Variants in CDKL5 observed in about 807,000 individuals in gnomAD.
CDKL5 encodes cyclin dependent kinase like 5, also known as cyclin-dependent kinase-like 5.
CDKL5 carries 8 observed loss-of-function variants against 61.7 expected under a neutral mutation model. That is an observed-to-expected ratio of 0.13 (90% CI 0.08 to 0.23). CDKL5 has a LOEUF of 0.23. Among genes scored for constraint, CDKL5 ranks in the 10% least tolerant of loss-of-function variants. CDKL5 has a pLI of 1.00. For missense variants in CDKL5, 440 were observed against 734.5 expected (o/e 0.60, Z 4.63); for synonymous variants, 275 against 272.3 (o/e 1.01, Z -0.10).
chrX:18,499,575 G>T (rs923602219), intron 1 of CDKL5, among the ~76,000 whole-genome samples: 1 of 110,669 alleles, frequency 9.0e-6, no homozygotes, highest in South Asian at 3.9e-4. Context: ...ATGTTAACCA[G>T]GATGGTCTGG....
intron 5 of CDKL5, among the ~76,000 whole-genome samples, chrX:18,577,734 G>T (rs971282327): frequency 8.9e-6 from 1 of 112,014 alleles, no homozygotes; most frequent in African/African-American, 3.2e-5. Context: ...TTCCTGCGGA[G>T]TAAGGGAAGA....
At chrX:18,625,890 A>G (rs750094611) in intron 17 of CDKL5, among the ~76,000 whole-genome samples, 5 of 111,825 alleles carry the variant, frequency 4.5e-5, no homozygotes, top group Non-Finnish European at 9.4e-5. Context: ...TTTGTAATGT[A>G]TCTTTTCAGT....
rs1927263360 is a variant in CDKL5 at position 18,632,470 on chromosome X, G to A, written c.*3713G>A. The A allele has an allele frequency of 4.0e-6, 3 of 754,107 alleles. No individual in the cohort carries two copies. Among genetic ancestry groups the A allele is most frequent in the African/African-American group, 2.3e-5 (1 of 43,822 alleles). 62.1% of individuals were successfully genotyped at this position (754,107 alleles called of 1,213,427 possible). ...TCCGTGGCTTTCAGCTGTGTCTCCC[G>A]AAAGAAAATGTCTTTGTTTTTTATT... On this transcript the variant is annotated 3_prime_UTR_variant, in exon 18 of 18. Transcript: ENST00000623535.
chrX:18,481,503 C>T, intron 1 of CDKL5, among the ~76,000 whole-genome samples: 1 of 106,256 alleles, frequency 9.4e-6, no homozygotes, highest in Non-Finnish European at 1.9e-5. Context: ...CAGGTGCGGG[C>T]CACCACACCT....
At chrX:18,499,368 T>C (rs1275218404) in intron 1 of CDKL5, among the ~76,000 whole-genome samples, 1 of 105,128 alleles carries the variant, frequency 9.5e-6, no homozygotes, top group African/African-American at 3.5e-5. Flanking sequence ...TTTGTTTTTT[T>C]TTTTTTTTTT....
At chrX:18,651,561 C>G (rs922727921) in intron 21 of CDKL5, among the ~76,000 whole-genome samples, 3 of 111,025 alleles carry the variant, frequency 2.7e-5, no homozygotes, top group Non-Finnish European at 5.7e-5. Context: ...GTCCCTCGGA[C>G]TGAGTATGGC....
intron 20 of CDKL5, among the ~76,000 whole-genome samples, chrX:18,649,041 CAAAAA>C (rs746581850): frequency 2.0e-5 from 1 of 50,823 alleles, no homozygotes. Context: ...GACACTGTCT[CAAAAA>C]AAAAAAAAAA....
intron 1 of CDKL5, among the ~76,000 whole-genome samples, chrX:18,437,008 G>A (rs1368358152): frequency 1.8e-5 from 2 of 109,954 alleles, no homozygotes; most frequent in African/African-American, 6.6e-5. Context: ...TCTTGAAAAG[G>A]TTTAGTAGGC....
intron 3 of CDKL5, among the ~76,000 whole-genome samples, chrX:18,560,176 T>C (rs1924751383): frequency 9.0e-6 from 1 of 111,471 alleles, no homozygotes; most frequent in Admixed American, 9.5e-5. Context: ...TCAAATGGTA[T>C]TTCTAGTTCT....
chrX:18,604,802 T>A lies in CDKL5; in HGVS notation c.1878T>A (p.Asp626Glu). 1 of 1,211,534 alleles carries A rather than the reference T, an allele frequency of 8.3e-7. No homozygotes were observed. The highest frequency in any genetic ancestry group is 1.7e-5 in the African/African-American group (1 of 57,758). Residue 626 changes from aspartate (D) to glutamate (E), a missense_variant, in exon 12 of 18, where the codon GAT becomes GAA. By Grantham distance (45) the Asp-to-Glu change is conservative. This residue lies in a region of CDKL5 where 363 missense variants were observed against 516.3 expected (regional missense o/e 0.70). Transcript: ENST00000623535. Reference sequence around the variant, plus strand: ...ACAAAGTGAGAGCCAAGGGCTTGGATGGAAGCTTGAGCATAGGGCAAGGGA... The same window carrying A: ...ACAAAGTGAGAGCCAAGGGCTTGGAAGGAAGCTTGAGCATAGGGCAAGGGA... Reference protein sequence around the residue: ...TRDKVRAKGLDGSLSIGQGMA... With the variant: ...TRDKVRAKGLEGSLSIGQGMA...
At chrX:18,543,993 C>G (rs1924109511) in intron 3 of CDKL5, among the ~76,000 whole-genome samples, 1 of 111,900 alleles carries the variant, frequency 8.9e-6, no homozygotes, top group Non-Finnish European at 1.9e-5. Context: ...CAATTAAACC[C>G]TTTGCCAGGA....
chrX:18,435,670 G>A (rs1328731230), intron 1 of CDKL5, among the ~76,000 whole-genome samples: 1 of 111,562 alleles, frequency 9.0e-6, no homozygotes, highest in African/African-American at 3.3e-5. Flanking sequence ...GGGTTCAAGC[G>A]ATTTTTGTGC....
intron 9 of CDKL5, among the ~76,000 whole-genome samples, chrX:18,592,773 T>A (rs1715755834): frequency 8.9e-6 from 1 of 112,492 alleles, no homozygotes; most frequent in Non-Finnish European, 1.9e-5. Context: ...ATGGGACATG[T>A]AAACTGCATC....
intron 1 of CDKL5, among the ~76,000 whole-genome samples, chrX:18,468,526 CG>C (rs950304323): frequency 8.9e-6 from 1 of 111,904 alleles, no homozygotes; most frequent in African/African-American, 3.2e-5. Flanking sequence ...CTTTAGTAAG[CG>C]TAAGCACTGG....
rs780757420 is a variant in CDKL5 at position 18,647,364 on chromosome X, A to G, written c.2797+1274A>G. 5 of 1,196,666 alleles carry G rather than the reference A, an allele frequency of 4.2e-6. No individual in the cohort carries two copies. In the South Asian group the frequency reaches 5.3e-5, roughly 13 times the overall value. ...AAGGAAAAAGAATTCACATTCACAC[A>G]TATCTCAATACTCAACAAGCACCAG... On this transcript the variant is annotated intron_variant, in intron 20 of 21. Coordinates refer to the CDKL5 transcript ENST00000379989.
rs1932215733 is a variant in CDKL5 at position 18,459,105 on chromosome X, C to G, written c.-163+33410C>G. The stretch of plus-strand genomic sequence containing the variant: ...ATAGTTTAGATAAAAAGGGGAAAGG[C>G]TATACATGTGCATAACAGGAAATAG... On this transcript the variant is annotated intron_variant, in intron 1 of 17. Coordinates refer to ENST00000623535, the MANE Select transcript of CDKL5 (RefSeq NM_001323289.2). 3.6e-5 allele frequency among the ~76,000 whole-genome samples: 4 copies of G among 112,564 alleles called. No homozygotes were observed. The Admixed American group carries it at 3.8e-4, about 11-fold the overall frequency.
At position 18,650,592 on chromosome X, in the gene CDKL5, G is replaced by T. The variant is rs866859766; in HGVS notation, c.2980G>T (p.Gly994Trp). ...TTTCAGCTGCCCAACCCAGCAATCC[G>T]GTAAGCAGAGACTCTAGACCGGTGG... Residue 994 changes from glycine to tryptophan, a missense_variant and splice_region_variant, in exon 21 of 22, where the codon GGG (glycine) becomes TGG (tryptophan). Gly to Trp is a radical substitution (Grantham distance 184). Transcript: ENST00000379989. The T allele has an allele frequency of 8.3e-6, 10 of 1,210,071 alleles. No homozygotes were observed. The highest frequency in any genetic ancestry group is 1.7e-5 in the African/African-American group (1 of 57,394).
chrX:18,610,723 A>G (rs1371952972), intron 14 of CDKL5, among the ~76,000 whole-genome samples: 1 of 112,701 alleles, frequency 8.9e-6, no homozygotes, highest in Non-Finnish European at 1.9e-5. Context: ...TTTAGTAACT[A>G]TGCAGTAATA....
At chrX:18,550,317 G>A (rs899867015) in intron 3 of CDKL5, among the ~76,000 whole-genome samples, 5 of 111,165 alleles carry the variant, frequency 4.5e-5, no homozygotes, top group Admixed American at 9.6e-5. Context: ...ACCTTACTAC[G>A]GTGAAGTTCT....
Sources: gnomAD v4.1 joint callset for allele counts (sites outside exome capture counted in the v4.1 genomes callset) on GRCh38, gnomAD v4.1.1 for gene constraint, gnomAD v4.1.1 regional missense constraint, MANE v1.5 for transcripts, NCBI Gene and HGNC (gene_info 2026-07-23, HGNC 2026-07-21) for gene names.